TMTC4: variants seen among roughly 807,000 people sequenced by gnomAD.
The protein encoded by TMTC4 is transmembrane O-mannosyltransferase targeting cadherins 4.
A neutral mutation model predicts 86.0 loss-of-function variants in TMTC4; 65 were observed. That is an observed-to-expected ratio of 0.76 (90% confidence interval 0.62 to 0.93). TMTC4 has a LOEUF of 0.93. Among genes scored for constraint, TMTC4 ranks in the 40% least tolerant of loss-of-function variants. The pLI is 0.00. For missense variants in TMTC4, 866 were observed against 948.1 expected, an observed-to-expected ratio of 0.91 and a Z score of 1.14; for synonymous variants, 379 against 382.5, an observed-to-expected ratio of 0.99 and a Z score of 0.11.
At chr13:100,631,136 C>T (rs1881298974) in intron 12 of TMTC4, among the ~76,000 whole-genome samples, 1 of 152,178 alleles carries the variant, frequency 6.6e-6, no homozygotes, top group Non-Finnish European at 1.5e-5. Flanking sequence ...CAACTTTCCC[C>T]CTAGCATTTG....
Position 100,651,904 on chromosome 13 carries a change from A to C in TMTC4, c.640+4477T>G, listed in dbSNP as rs1337665614. Among the ~76,000 whole-genome samples, 7 of 152,300 alleles carry C rather than the reference A, an allele frequency of 4.6e-5. No homozygotes were observed. In the East Asian group the frequency reaches 1.2e-3, roughly 25 times the overall value. On this transcript the variant is annotated intron_variant, in intron 6 of 18. Coordinates refer to ENST00000342624, the MANE Select transcript of TMTC4 (RefSeq NM_032813.5). ...CTCAATAAAAAATGACTTGTCTACC[A>C]CCGAAGAGTTAGTTTTTATTCTCTG...
intron 6 of TMTC4, among the ~76,000 whole-genome samples, chr13:100,645,788 G>T (rs1883655073): frequency 6.6e-6 from 1 of 152,204 alleles, no homozygotes; most frequent in Non-Finnish European, 1.5e-5. Context: ...CCCGAGTCGA[G>T]GGTCTGTCCA....
chr13:100,663,820 C>T (rs745439263), intron 4 of TMTC4, among the ~76,000 whole-genome samples: 2 of 152,086 alleles, frequency 1.3e-5, no homozygotes, highest in African/African-American at 2.4e-5. Context: ...CCCTGATTAA[C>T]GGAGGGGGGA....
rs1885996259 is a variant in TMTC4 at position 100,663,154 on chromosome 13, A to G, written c.362T>C (p.Phe121Ser). 2.5e-6 allele frequency: 4 copies of G among 1,614,208 alleles called. No individual in the cohort carries two copies. The highest frequency in any genetic ancestry group is 1.7e-4 in the Middle Eastern group (1 of 6,060). Residue 121 changes from phenylalanine (F) to serine (S), a missense_variant, in exon 5 of 19, where the codon TTC (phenylalanine) becomes TCC (serine). By Grantham distance (155) the Phe-to-Ser change is radical. Coordinates refer to ENST00000342624, the MANE Select transcript of TMTC4 (RefSeq NM_032813.5). Reference protein sequence around the residue: ...FRINYYLSGGFHPVGFHVVNI... With the variant: ...FRINYYLSGGSHPVGFHVVNI... ...GACCACGTGAAAGCCCACGGGGTGG[A>G]AGCCTCCCGAGAGGTAGTAGTTAAT...
rs867788956 is a variant in TMTC4, at chr13:100,604,220, A to C, written c.*774T>G. 1 of 152,728 alleles carries C rather than the reference A, an allele frequency of 6.5e-6. No homozygotes were observed. Among genetic ancestry groups the C allele is most frequent in the Middle Eastern group, 3.4e-3 (1 of 294 alleles). 9.5% of individuals were successfully genotyped at this position (152,728 alleles called of 1,614,324 possible). On this transcript the variant is annotated 3_prime_UTR_variant, in exon 19 of 19. Coordinates refer to ENST00000342624, the MANE Select transcript of TMTC4 (RefSeq NM_032813.5). Reference sequence around the variant, plus strand: ...CTTACACAGATGTGTTGCCCTCTTCACCTTGGATGTAACAAAAATAAAGAT... The same window carrying C: ...CTTACACAGATGTGTTGCCCTCTTCCCCTTGGATGTAACAAAAATAAAGAT...
At chr13:100,619,023 C>G (rs927883378) in intron 15 of TMTC4, among the ~76,000 whole-genome samples, 2 of 152,176 alleles carry the variant, frequency 1.3e-5, no homozygotes, top group Non-Finnish European at 2.9e-5. Flanking sequence ...CCAGATGGGG[C>G]GGCCGGCCGG....
chr13:100,609,699 A>C lies in TMTC4; in HGVS notation c.2064+2699T>G, dbSNP rs1457132820. Among the ~76,000 whole-genome samples the C allele has an allele frequency of 3.3e-5, 5 of 151,912 alleles. No individual in the cohort carries two copies. The East Asian group carries it at 7.7e-4, about 23-fold the overall frequency. On this transcript the variant is annotated intron_variant, in intron 17 of 18. Coordinates refer to ENST00000342624, the MANE Select transcript of TMTC4 (RefSeq NM_032813.5). The stretch of plus-strand genomic sequence containing the variant: ...TATATATACACACACACACACACAC[A>C]CACCCATACATATATACATATACAT...
intron 4 of TMTC4, 143 bp downstream of exon 4, chr13:100,664,078 C>T (rs1886118032): frequency 1.6e-5 from 9 of 549,978 alleles, no homozygotes; most frequent in East Asian, 3.3e-5. Context: ...CACCTAGAGA[C>T]CCATGTATAT....
At chr13:100,670,612 T>C (rs1289966789) in intron 1 of TMTC4, 43 bp from the exon 2 acceptor site, 3 of 443,254 alleles carry the variant, frequency 6.8e-6, no homozygotes, top group East Asian at 3.6e-5. Context: ...CCAACCTCTA[T>C]GCTTACATTT....
At chr13:100,666,883 G>C (rs915727707) in intron 3 of TMTC4, among the ~76,000 whole-genome samples, 5 of 152,124 alleles carry the variant, frequency 3.3e-5, no homozygotes, top group African/African-American at 1.2e-4. Flanking sequence ...TTAGCTACTC[G>C]GGAGGCTAAG....
chr13:100,666,448 G>A (rs1886408542), intron 3 of TMTC4, among the ~76,000 whole-genome samples: 1 of 152,130 alleles, frequency 6.6e-6, no homozygotes, highest in Non-Finnish European at 1.5e-5. Flanking sequence ...ACCACGAAAT[G>A]GCTTCATCTG....
chr13:100,617,849 T>C (rs1194837881), intron 15 of TMTC4, among the ~76,000 whole-genome samples: 1 of 152,252 alleles, frequency 6.6e-6, no homozygotes, highest in Non-Finnish European at 1.5e-5. Context: ...AATTTAAGAA[T>C]AGCTTTTTCT....
At chr13:100,608,336 T>C (rs769449460) in intron 17 of TMTC4, among the ~76,000 whole-genome samples, 2 of 152,114 alleles carry the variant, frequency 1.3e-5, no homozygotes, top group African/African-American at 2.4e-5. Flanking sequence ...ACCCAAACTC[T>C]GCAGGGTGAG....
At chr13:100,612,661 ACACAC>A in intron 16 of TMTC4, 151 bp from the exon 17 acceptor site, 1 of 197,468 alleles carries the variant, frequency 5.1e-6, no homozygotes, top group Non-Finnish European at 1.0e-5. Flanking sequence ...TAATACACAC[ACACAC>A]ACACACACAC....
At chr13:100,640,040 G>A (rs1222683773) in intron 7 of TMTC4, among the ~76,000 whole-genome samples, 1 of 152,174 alleles carries the variant, frequency 6.6e-6, no homozygotes, top group Non-Finnish European at 1.5e-5. Context: ...CGACTCAGCA[G>A]GCCTGGGGAG....
intron 17 of TMTC4, among the ~76,000 whole-genome samples, chr13:100,607,345 C>T (rs1186765283): frequency 3.3e-5 from 5 of 151,960 alleles, no homozygotes; most frequent in African/African-American, 7.3e-5. Flanking sequence ...GGTGAAAACC[C>T]GTCTCTACTA....
At position 100,651,582 on chromosome 13, in the gene TMTC4, C is replaced by G. The variant is rs190976494; in HGVS notation, c.640+4799G>C. ...TCATTTTCTGAAAATACTAGGATTC[C>G]AGAGGTTAGGACAGAATAAACTCAA... is the stretch of plus-strand genomic sequence containing the variant. On this transcript the variant is annotated intron_variant, in intron 6 of 18. Coordinates refer to ENST00000342624, the MANE Select transcript of TMTC4 (RefSeq NM_032813.5). Among the ~76,000 whole-genome samples the G allele has an allele frequency of 2.3e-3, 348 of 149,532 alleles. 3 individuals are homozygous for G. Among genetic ancestry groups the G allele is most frequent in the African/African-American group, 8.1e-3 (328 of 40,694 alleles).
chr13:100,626,252 G>A, intron 12 of TMTC4, 102 bp from the exon 13 acceptor site: 6 of 1,262,178 alleles, frequency 4.8e-6, no homozygotes, highest in East Asian at 2.3e-5. Context: ...AAGCGACGAG[G>A]AAAAAAAATC....
chr13:100,646,148 A>T (rs1883710840), intron 6 of TMTC4, among the ~76,000 whole-genome samples: 1 of 152,052 alleles, frequency 6.6e-6, no homozygotes, highest in African/African-American at 2.4e-5. Flanking sequence ...GGCCTTTAAC[A>T]AGCTTTCCAG....
Sources: allele counts gnomAD v4.1 joint callset (sites outside exome capture counted in the v4.1 genomes callset), GRCh38; gene constraint gnomAD v4.1.1; transcripts MANE v1.5; gene names NCBI Gene and HGNC (gene_info 2026-07-23, HGNC 2026-07-21).